Variants in EXPH5 observed in about 807,000 individuals in gnomAD.
EXPH5 encodes exophilin 5, also known as exophilin-5.
EXPH5 carries 42 observed loss-of-function variants against 41.1 expected under a neutral mutation model. That is an observed-to-expected ratio of 1.02 (90% CI 0.80 to 1.32). EXPH5 has a LOEUF of 1.32. Among genes scored for constraint, EXPH5 ranks in the 40% most tolerant of loss-of-function variants. The pLI is 0.00. For synonymous variants in EXPH5, 798 were observed against 833.5 expected, an observed-to-expected ratio of 0.96 and a Z score of 0.73; for missense variants, 2,298 against 2,314.5, an observed-to-expected ratio of 0.99 and a Z score of 0.15.
At chr11:108,524,238 G>A (rs1044417588) in intron 4 of EXPH5, among the ~76,000 whole-genome samples, 1 of 152,138 alleles carries the variant, frequency 6.6e-6, no homozygotes, top group African/African-American at 2.4e-5. Flanking sequence ...TAATCTCTTT[G>A]TACCTTAGTT....
intron 4 of EXPH5, among the ~76,000 whole-genome samples, chr11:108,526,913 G>A (rs10890853): frequency 0.14 from 20,728 of 152,168 alleles, 1,577 homozygotes; most frequent in South Asian, 0.24. Flanking sequence ...AGGACAGTAA[G>A]TTCTCCATTA....
At position 108,510,556 on chromosome 11, in the gene EXPH5, C is replaced by A. The variant is rs1354863795; in HGVS notation, c.4951G>T (p.Ala1651Ser). 16 of 1,613,976 alleles carry A rather than the reference C, an allele frequency of 9.9e-6. No homozygotes were observed. Among genetic ancestry groups the A allele is most frequent in the Non-Finnish European group, 1.4e-5 (16 of 1,180,010 alleles). ...AACCTGCTTTCGCCAATGGACTCTG[C>A]AGATTTTGGAGTAGGCTCAGGGAAC... ...PLFPEPTPKS[A>S]ESIGESRLSE... The change falls in exon 6 of 6, where the codon GCA (alanine) becomes TCA (serine). Residue 1651 changes from alanine (A) to serine (S), a missense_variant. By Grantham distance (99) the Ala-to-Ser change is moderately conservative. Coordinates refer to ENST00000265843, the MANE Select transcript of EXPH5 (RefSeq NM_015065.3).
Position 108,509,506 on chromosome 11 carries a change from GA to G in EXPH5, c.*30del, listed in dbSNP as rs1411889248. 2 of 1,524,468 alleles carry G rather than the reference GA, an allele frequency of 1.3e-6. No homozygotes were observed. The highest frequency in any genetic ancestry group is 8.8e-7 in the Non-Finnish European group (1 of 1,140,798). 94.4% of individuals were successfully genotyped at this position (1,524,468 alleles called of 1,614,324 possible). On this transcript the variant is annotated 3_prime_UTR_variant, in exon 6 of 6. Transcript: ENST00000265843. Reference sequence around the variant, plus strand: ...CTTAGTTCCATTATAAGCTTTTGGTGAAAAAAGTAAAGCATTTTATTGAAAA... The same window carrying G: ...CTTAGTTCCATTATAAGCTTTTGGTGAAAAAGTAAAGCATTTTATTGAAAA...
At chr11:108,553,453 C>T (rs79866987) in intron 1 of EXPH5, among the ~76,000 whole-genome samples, 1 of 152,178 alleles carries the variant, frequency 6.6e-6, no homozygotes, top group African/African-American at 2.4e-5. Context: ...AAGTGTCAGT[C>T]CCTCTTGTAG....
Position 108,511,239 on chromosome 11 carries a change from C to T in EXPH5, c.4268G>A (p.Gly1423Asp). 1 of 1,608,116 alleles carries T rather than the reference C, an allele frequency of 6.2e-7. No individual in the cohort carries two copies. The highest frequency in any genetic ancestry group is 8.5e-7 in the Non-Finnish European group (1 of 1,178,736). The change falls in exon 6 of 6, where the codon GGT becomes GAT. Residue 1423 changes from glycine (G) to aspartate (D), a missense_variant. Transcript: ENST00000265843. Reference protein sequence around the residue: ...CQQSINSSNSGPSSLPALSEV... With the variant: ...CQQSINSSNSDPSSLPALSEV... Reference sequence around the variant, plus strand: ...TGAAAGAGCTGGAAGACTAGAGGGACCACTGTTACTTGAATTAATGGATTG... The same window carrying T: ...TGAAAGAGCTGGAAGACTAGAGGGATCACTGTTACTTGAATTAATGGATTG...
At chr11:108,518,437 C>T (rs2093742109) in intron 4 of EXPH5, 64 bp from the exon 5 acceptor site, 15 of 1,484,164 alleles carry the variant, frequency 1.0e-5, no homozygotes, top group Admixed American at 1.8e-5. Flanking sequence ...TACTCACACG[C>T]TCCCACCAAA....
chr11:108,546,140 T>G (rs1718883467), intron 1 of EXPH5, among the ~76,000 whole-genome samples: 1 of 151,698 alleles, frequency 6.6e-6, no homozygotes, highest in South Asian at 2.1e-4. Flanking sequence ...ATAAGGCCTG[T>G]GTAGCTGGAG....
chr11:108,560,578 G>A (rs544850344), intron 1 of EXPH5, among the ~76,000 whole-genome samples: 12 of 152,200 alleles, frequency 7.9e-5, no homozygotes, highest in South Asian at 2.1e-4. Flanking sequence ...ATTCTGCCTC[G>A]GTGATTCAAA....
intron 3 of EXPH5, chr11:108,537,876 T>C: frequency 1.6e-6 from 1 of 609,864 alleles, no homozygotes; most frequent in Non-Finnish European, 2.1e-6. Flanking sequence ...AAATATTTAC[T>C]GGGCAAGAAA....
At chr11:108,538,964 G>A in intron 3 of EXPH5, 60 bp downstream of exon 3, 1 of 1,365,894 alleles carries the variant, frequency 7.3e-7, no homozygotes, top group Non-Finnish European at 9.9e-7. Context: ...CACAAAACAG[G>A]CTGCTGGCCT....
chr11:108,570,519 T>C (rs1195905806), intron 1 of EXPH5, among the ~76,000 whole-genome samples: 1 of 152,152 alleles, frequency 6.6e-6, no homozygotes. Flanking sequence ...CCTCCTAAAG[T>C]GCTGGGATTA....
At chr11:108,553,041 C>CA (rs1302701907) in intron 1 of EXPH5, among the ~76,000 whole-genome samples, 1 of 151,816 alleles carries the variant, frequency 6.6e-6, no homozygotes, top group Non-Finnish European at 1.5e-5. Flanking sequence ...ACAAAAAATA[C>CA]AAAAAAATTA....
chr11:108,576,492 T>G (rs2094080102), intron 1 of EXPH5, among the ~76,000 whole-genome samples: 1 of 152,220 alleles, frequency 6.6e-6, no homozygotes, highest in Non-Finnish European at 1.5e-5. Context: ...ACATTGTTAA[T>G]GTACAAAATG....
Position 108,539,100 on chromosome 11 carries a change from A to T in EXPH5, c.367T>A (p.Ser123Thr). 6.2e-7 allele frequency: 1 copy of T among 1,612,376 alleles called. No homozygotes were observed. Among genetic ancestry groups the T allele is most frequent in the Non-Finnish European group, 8.5e-7 (1 of 1,178,962 alleles). Residue 123 changes from serine to threonine, a missense_variant, in exon 3 of 6, where the codon TCG becomes ACG. By Grantham distance (58) the Ser-to-Thr change is moderately conservative. Transcript: ENST00000265843. ...TPFSSRMSFRSSFASLFSFRK... is the reference protein window; with the variant it reads ...TPFSSRMSFRTSFASLFSFRK... ...AATGAGAACAGGGAAGCAAATGACG[A>T]TCTGAAGCTCATCCGGGAAGAAAAA...
chr11:108,548,227 G>GA (rs1242128763), intron 1 of EXPH5, among the ~76,000 whole-genome samples: 1 of 89,250 alleles, frequency 1.1e-5, no homozygotes, highest in Non-Finnish European at 2.9e-5. Flanking sequence ...GAAAGTTTTT[G>GA]ACTTTTTTTT....
chr11:108,589,503 AC>A (rs2094122356), intron 1 of EXPH5, among the ~76,000 whole-genome samples: 1 of 151,992 alleles, frequency 6.6e-6, no homozygotes, highest in Non-Finnish European at 1.5e-5. Context: ...ATTCTGGAAA[AC>A]CCTCCTGGGC....
intron 1 of EXPH5, among the ~76,000 whole-genome samples, chr11:108,565,197 T>C (rs944560162): frequency 3.4e-4 from 51 of 152,174 alleles, no homozygotes; most frequent in African/African-American, 1.2e-3. Context: ...TGAGCCACCA[T>C]GCCTGGCCTG....
chr11:108,574,080 T>TA (rs1210637916), intron 1 of EXPH5, among the ~76,000 whole-genome samples: 3 of 150,876 alleles, frequency 2.0e-5, no homozygotes, highest in African/African-American at 7.3e-5. Context: ...TTTGTGTGTT[T>TA]TTTTTTTTTT....
rs146077642 is a variant in EXPH5, at chr11:108,526,376, T to G, written c.492+1760A>C. Among the ~76,000 whole-genome samples, 54 of 152,338 alleles carry G rather than the reference T, an allele frequency of 3.5e-4. 1 individual carries two copies. Among genetic ancestry groups the G allele is most frequent in the African/African-American group, 1.1e-3 (47 of 41,578 alleles). On this transcript the variant is annotated intron_variant, in intron 4 of 5. Transcript: ENST00000265843. ...GAATCAGGACTGTCAAAGTAAGATG[T>G]CTATTAATCCCTAGACTGGATTTTC...
Sources: gnomAD v4.1 joint callset for allele counts (sites outside exome capture counted in the v4.1 genomes callset) on GRCh38, gnomAD v4.1.1 for gene constraint, MANE v1.5 for transcripts, NCBI Gene and HGNC (gene_info 2026-07-23, HGNC 2026-07-21) for gene names.